Variants in SPAG16 observed in about 807,000 individuals in gnomAD.
SPAG16 encodes the protein sperm associated antigen 16.
A neutral mutation model predicts 80.4 loss-of-function variants in SPAG16; 86 were observed. The observed-to-expected ratio is 1.07, with a 90% confidence interval of 0.90 to 1.28. The LOEUF (loss-of-function observed/expected upper bound fraction) is 1.28. Ranked by LOEUF, SPAG16 falls within the 50% of genes most tolerant of loss-of-function variation. SPAG16 has a pLI of 0.00. For synonymous variants in SPAG16, 294 were observed against 265.9 expected, an observed-to-expected ratio of 1.11 and a Z score of -1.03; for missense variants, 870 against 765.3, an observed-to-expected ratio of 1.14 and a Z score of -1.61.
intron 12 of SPAG16, among the ~76,000 whole-genome samples, chr2:213,945,930 G>A (rs902182606): frequency 1.4e-4 from 22 of 152,056 alleles, no homozygotes; most frequent in African/African-American, 5.3e-4. Context: ...CTTCTTTTTA[G>A]CCCTTTGTTT....
chr2:213,781,627 A>C (rs1172817072), intron 10 of SPAG16, among the ~76,000 whole-genome samples: 2 of 152,212 alleles, frequency 1.3e-5, no homozygotes, highest in African/African-American at 4.8e-5. Context: ...TTTTACATTA[A>C]GGAGAAAAAT....
At chr2:213,296,171 C>T in intron 2 of SPAG16, 61 bp downstream of exon 2, 1 of 1,221,750 alleles carries the variant, frequency 8.2e-7, no homozygotes, top group South Asian at 1.3e-5. Context: ...TCATGAAATG[C>T]TCATTTTATT....
At chr2:213,685,965 T>C (rs1318972469) in intron 10 of SPAG16, among the ~76,000 whole-genome samples, 3 of 152,240 alleles carry the variant, frequency 2.0e-5, no homozygotes, top group African/African-American at 7.2e-5. Context: ...GCATGTAATA[T>C]AATGCATGTT....
chr2:214,379,076 T>C (rs1700299172), intron 15 of SPAG16, among the ~76,000 whole-genome samples: 1 of 152,222 alleles, frequency 6.6e-6, no homozygotes, highest in African/African-American at 2.4e-5. Context: ...TGACATCAGA[T>C]AGCCTCTTGT....
chr2:213,836,964 C>CTCTG (rs1238529516), intron 10 of SPAG16, among the ~76,000 whole-genome samples: 5 of 151,994 alleles, frequency 3.3e-5, no homozygotes, highest in Middle Eastern at 3.2e-3. Context: ...CTCTCTCTCT[C>CTCTG]TCATAAAAAT....
At chr2:213,770,931 C>T (rs891252063) in intron 10 of SPAG16, among the ~76,000 whole-genome samples, 4 of 152,230 alleles carry the variant, frequency 2.6e-5, no homozygotes, top group Admixed American at 6.5e-5. Context: ...CACATGCGTG[C>T]AAGTGTCTTT....
chr2:213,768,223 A>G (rs952359037), intron 10 of SPAG16, among the ~76,000 whole-genome samples: 2 of 152,224 alleles, frequency 1.3e-5, no homozygotes, highest in African/African-American at 4.8e-5. Flanking sequence ...GACTGATGAA[A>G]GCAGGAGCTA....
intron 14 of SPAG16, among the ~76,000 whole-genome samples, chr2:214,113,827 A>G (rs772721142): frequency 4.6e-5 from 7 of 152,164 alleles, no homozygotes; most frequent in Non-Finnish European, 1.0e-4. Context: ...ACTTCTGCCA[A>G]CTTGTCAAAG....
At chr2:213,509,589 C>T (rs1236624130) in intron 10 of SPAG16, among the ~76,000 whole-genome samples, 3 of 152,076 alleles carry the variant, frequency 2.0e-5, no homozygotes, top group Admixed American at 1.3e-4. Flanking sequence ...CCTGGTATGC[C>T]GTTGGAATAA....
At chr2:214,249,521 T>C (rs1420060983) in intron 15 of SPAG16, among the ~76,000 whole-genome samples, 2 of 151,962 alleles carry the variant, frequency 1.3e-5, no homozygotes. Flanking sequence ...CAGAAATGAA[T>C]AACATGTCAA....
chr2:213,977,932 C>A (rs2045503630), intron 12 of SPAG16, among the ~76,000 whole-genome samples: 1 of 152,018 alleles, frequency 6.6e-6, no homozygotes, highest in African/African-American at 2.4e-5. Context: ...CCCTCTTCCA[C>A]TGAGATGGCT....
intron 9 of SPAG16, among the ~76,000 whole-genome samples, chr2:213,469,581 T>G (rs1257803072): frequency 6.8e-6 from 1 of 146,954 alleles, no homozygotes; most frequent in Non-Finnish European, 1.5e-5. Flanking sequence ...TTTTTTTTTT[T>G]TTTTTTTTTT....
chr2:214,209,476 A>C (rs1048546729), intron 15 of SPAG16, among the ~76,000 whole-genome samples: 1 of 152,184 alleles, frequency 6.6e-6, no homozygotes, highest in Admixed American at 6.6e-5. Context: ...TATTCAAACA[A>C]AAGCATATCC....
chr2:213,416,789 C>A lies in SPAG16; in HGVS notation c.942+41670C>A, dbSNP rs112633016. ...GATCAGGAAAACAAAGTTCATTATA[C>A]TCATGATCTTAAAGACAGGGGGCAC... is the stretch of plus-strand genomic sequence containing the variant. On this transcript the variant is annotated intron_variant, in intron 9 of 15. Coordinates refer to ENST00000331683, the MANE Select transcript of SPAG16 (RefSeq NM_024532.5). 8.9e-3 allele frequency among the ~76,000 whole-genome samples: 1,352 copies of A among 152,272 alleles called. 9 individuals carry two copies. Among genetic ancestry groups the A allele is most frequent in the Non-Finnish European group, 0.014 (927 of 68,012 alleles).
At chr2:213,918,495 G>A (rs902500221) in intron 11 of SPAG16, among the ~76,000 whole-genome samples, 1 of 152,134 alleles carries the variant, frequency 6.6e-6, no homozygotes, top group African/African-American at 2.4e-5. Flanking sequence ...CATGTGTTGT[G>A]GGAGGGACCT....
chr2:214,041,978 G>GTGTATGTATATA (rs1410396491), intron 13 of SPAG16, among the ~76,000 whole-genome samples: 1 of 116,362 alleles, frequency 8.6e-6, no homozygotes, highest in East Asian at 2.4e-4. Context: ...GTCTGTGTGT[G>GTGTATGTATATA]TATATATATA....
intron 15 of SPAG16, among the ~76,000 whole-genome samples, chr2:214,317,273 G>T (rs147974283): frequency 6.6e-6 from 1 of 152,206 alleles, no homozygotes; most frequent in Non-Finnish European, 1.5e-5. Context: ...TCTGACTTCC[G>T]GCCTAATGTT....
intron 8 of SPAG16, among the ~76,000 whole-genome samples, chr2:213,373,352 A>C (rs2066736232): frequency 6.6e-6 from 1 of 152,178 alleles, no homozygotes; most frequent in Non-Finnish European, 1.5e-5. Flanking sequence ...TTCTCGCTAC[A>C]TTGAGAAATA....
intron 15 of SPAG16, among the ~76,000 whole-genome samples, chr2:214,389,188 G>A (rs867254241): frequency 2.0e-5 from 3 of 152,098 alleles, no homozygotes; most frequent in African/African-American, 7.2e-5. Flanking sequence ...ACATCCATGC[G>A]GGAACCAGTT....
Sources: allele counts gnomAD v4.1 joint callset (sites outside exome capture counted in the v4.1 genomes callset), GRCh38; gene constraint gnomAD v4.1.1; transcripts MANE v1.5; gene names NCBI Gene and HGNC (gene_info 2026-07-23, HGNC 2026-07-21).